Variants in DACH2 observed in about 807,000 individuals in gnomAD.
The protein encoded by DACH2 is dachshund homolog 2.
In DACH2, 17 loss-of-function variants were observed where a neutral mutation model predicts 35.8. The observed-to-expected ratio is 0.48, with a 90% confidence interval of 0.33 to 0.71. The LOEUF is 0.71. DACH2 is among the 30% of genes least tolerant of loss of function. The probability of loss-of-function intolerance (pLI) is 0.02; values close to 1 mark genes in which losing one functional copy is unlikely to be tolerated. For missense variants in DACH2, 469 were observed against 472.7 expected (o/e 0.99, Z 0.07); for synonymous variants, 195 against 177.3 (o/e 1.10, Z -0.79).
At chrX:86,641,401 TAAAG>T (rs776462845) in intron 3 of DACH2, among the ~76,000 whole-genome samples, 1 of 110,398 alleles carries the variant, frequency 9.1e-6, no homozygotes, top group Non-Finnish European at 1.9e-5. Context: ...CAGACAAAAA[TAAAG>T]AAAGAAAATA....
At chrX:86,232,442 C>T (rs1259444871) in intron 1 of DACH2, among the ~76,000 whole-genome samples, 2 of 111,878 alleles carry the variant, frequency 1.8e-5, no homozygotes, top group Non-Finnish European at 3.8e-5. Flanking sequence ...TATTCATGTA[C>T]TATGCATCTG....
At chrX:86,173,447 G>A (rs773038895) in intron 1 of DACH2, among the ~76,000 whole-genome samples, 1 of 111,755 alleles carries the variant, frequency 8.9e-6, no homozygotes, top group Admixed American at 9.5e-5. Context: ...AATAGGATGG[G>A]CATTGTAGGC....
intron 3 of DACH2, among the ~76,000 whole-genome samples, chrX:86,517,172 A>G (rs1285429979): frequency 9.0e-6 from 1 of 111,670 alleles, no homozygotes; most frequent in African/African-American, 3.3e-5. Context: ...ACTTCCACCA[A>G]CAATGTATAA....
At chrX:86,232,801 A>G (rs887921637) in intron 1 of DACH2, among the ~76,000 whole-genome samples, 1 of 112,139 alleles carries the variant, frequency 8.9e-6, no homozygotes, top group African/African-American at 3.2e-5. Flanking sequence ...AAGAGAGCTA[A>G]AAGTAGAACT....
chrX:86,161,671 C>G (rs2030762369), intron 1 of DACH2, among the ~76,000 whole-genome samples: 1 of 112,061 alleles, frequency 8.9e-6, no homozygotes. Context: ...CAAGAGCAGT[C>G]ATTTTCATGA....
chrX:86,749,983 A>T, intron 7 of DACH2, among the ~76,000 whole-genome samples: 1 of 110,224 alleles, frequency 9.1e-6, no homozygotes, highest in East Asian at 2.8e-4. Context: ...ATTCTTTACA[A>T]TTTTTTTCTG....
At chrX:86,721,093 A>C (rs2041401377) in intron 6 of DACH2, among the ~76,000 whole-genome samples, 1 of 112,298 alleles carries the variant, frequency 8.9e-6, no homozygotes, top group African/African-American at 3.2e-5. Context: ...AATCCTGCCC[A>C]GGAAACCATT....
At chrX:86,759,560 GTT>G (rs373909049) in intron 7 of DACH2, among the ~76,000 whole-genome samples, 5 of 92,586 alleles carry the variant, frequency 5.4e-5, no homozygotes, top group African/African-American at 2.0e-4. Context: ...GTTGTTGTTT[GTT>G]TTTTTTTTTT....
At chrX:86,820,484 T>A (rs765828476) in intron 11 of DACH2, among the ~76,000 whole-genome samples, 131 of 110,095 alleles carry the variant, frequency 1.2e-3, no homozygotes, top group African/African-American at 4.1e-3. Context: ...CCTGAACCAT[T>A]TTTGCTCAGA....
intron 7 of DACH2, among the ~76,000 whole-genome samples, chrX:86,781,985 G>A (rs2042093503): frequency 8.9e-6 from 1 of 112,141 alleles, no homozygotes; most frequent in African/African-American, 3.2e-5. Context: ...ATTCAGTAAA[G>A]TTGCAGTATA....
chrX:86,300,466 T>C (rs1475430080), intron 1 of DACH2, among the ~76,000 whole-genome samples: 2 of 99,947 alleles, frequency 2.0e-5, no homozygotes, highest in Admixed American at 2.4e-4. Context: ...CACTCATAGG[T>C]GGGAATTGAA....
chrX:86,777,394 G>C (rs1365177656), intron 7 of DACH2, among the ~76,000 whole-genome samples: 1 of 110,659 alleles, frequency 9.0e-6, no homozygotes. Flanking sequence ...ACTTGTCCCT[G>C]CACATCAAAA....
chrX:86,443,479 A>T (rs2037205401), intron 2 of DACH2, among the ~76,000 whole-genome samples: 1 of 107,017 alleles, frequency 9.3e-6, no homozygotes, highest in Non-Finnish European at 1.9e-5. Context: ...GGACAGTTTA[A>T]CTTCTACTTT....
intron 3 of DACH2, among the ~76,000 whole-genome samples, chrX:86,590,513 A>G (rs761186250): frequency 8.6e-4 from 96 of 112,173 alleles, no homozygotes; most frequent in African/African-American, 3.0e-3. Flanking sequence ...TTATCAATGA[A>G]GCTGCTGTAT....
At chrX:86,556,649 A>G (rs2148317085) in intron 3 of DACH2, among the ~76,000 whole-genome samples, 1 of 105,361 alleles carries the variant, frequency 9.5e-6, no homozygotes, top group Non-Finnish European at 1.9e-5. Context: ...TGTATCATCT[A>G]TCAGATGGGA....
intron 1 of DACH2, among the ~76,000 whole-genome samples, chrX:86,155,067 G>T (rs2147857936): frequency 9.0e-6 from 1 of 110,666 alleles, no homozygotes; most frequent in South Asian, 3.8e-4. Context: ...TTAATCATAG[G>T]AGGAAAAATG....
intron 3 of DACH2, among the ~76,000 whole-genome samples, chrX:86,625,379 A>C (rs1353192858): frequency 1.8e-5 from 2 of 110,358 alleles, no homozygotes; most frequent in African/African-American, 6.6e-5. Context: ...TTTGAGCAGG[A>C]TGAGTTGGTA....
intron 1 of DACH2, among the ~76,000 whole-genome samples, chrX:86,279,619 G>A (rs1456417735): frequency 5.4e-5 from 6 of 110,733 alleles, no homozygotes; most frequent in African/African-American, 1.6e-4. Flanking sequence ...CTCCTACAAA[G>A]GATCACAACT....
At chrX:86,620,787 G>T (rs1444030216) in intron 3 of DACH2, among the ~76,000 whole-genome samples, 1 of 101,542 alleles carries the variant, frequency 9.8e-6, no homozygotes, top group Non-Finnish European at 2.0e-5. Context: ...CTTTTGACAA[G>T]CAAATAAAAC....
Sources: gnomAD v4.1 joint callset for allele counts (sites outside exome capture counted in the v4.1 genomes callset) on GRCh38, gnomAD v4.1.1 for gene constraint, MANE v1.5 for transcripts, NCBI Gene and HGNC (gene_info 2026-07-23, HGNC 2026-07-21) for gene names.